GMDS: variants seen among roughly 807,000 people sequenced by gnomAD.
The protein encoded by GMDS is GDP-mannose 4,6-dehydratase.
In GMDS, 20 loss-of-function variants were observed where a neutral mutation model predicts 49.9. The observed-to-expected ratio is 0.40, with a 90% CI of 0.28 to 0.58. The LOEUF (loss-of-function observed/expected upper bound fraction) is 0.58, where lower values mean the gene tolerates loss of function less well. GMDS is among the 20% of genes least tolerant of loss of function. The pLI, the probability that GMDS is intolerant of heterozygous loss-of-function variation, is 0.42. For missense variants in GMDS, 362 were observed against 481.4 expected (o/e 0.75, Z 2.32); for synonymous variants, 177 against 178.6 (o/e 0.99, Z 0.07).
chr6:2,148,762 C>T (rs1448324038), intron 1 of GMDS, among the ~76,000 whole-genome samples: 2 of 152,212 alleles, frequency 1.3e-5, no homozygotes, highest in African/African-American at 2.4e-5. Context: ...CCTATTATTA[C>T]ATCCTGTGTA....
rs1417104101 is a variant in GMDS, at chr6:1,888,141, T to A, written c.771+41962A>T. Reference sequence around the variant, plus strand: ...TTTTTTATTATTATTATTATTTTTTTTTTTTTTTTGAAGAGATGAGGGTCT... The same window carrying A: ...TTTTTTATTATTATTATTATTTTTTATTTTTTTTTGAAGAGATGAGGGTCT... On this transcript the variant is annotated intron_variant, in intron 7 of 10. Coordinates refer to ENST00000380815, the MANE Select transcript of GMDS (RefSeq NM_001500.4). 2.5e-4 allele frequency among the ~76,000 whole-genome samples: 38 copies of A among 149,736 alleles called. 1 individual carries two copies. The highest frequency in any genetic ancestry group is 3.5e-3 in the Middle Eastern group (1 of 288).
intron 1 of GMDS, among the ~76,000 whole-genome samples, chr6:2,135,555 C>CTTTTTTTTTTTT (rs1276419101): frequency 6.6e-6 from 1 of 152,026 alleles, no homozygotes; most frequent in Non-Finnish European, 1.5e-5. Context: ...ATTTGAGTTT[C>CTTTTTTTTTTTT]TATAATCTAG....
chr6:1,743,737 A>C (rs1000696884), intron 7 of GMDS, among the ~76,000 whole-genome samples: 4 of 146,002 alleles, frequency 2.7e-5, no homozygotes, highest in African/African-American at 1.0e-4. Flanking sequence ...CACCTTAAAG[A>C]TTTTTTTTTT....
chr6:2,089,184 T>C (rs1048780302), intron 4 of GMDS, among the ~76,000 whole-genome samples: 6 of 152,356 alleles, frequency 3.9e-5, no homozygotes, highest in African/African-American at 1.4e-4. Context: ...TTTTTAGTTC[T>C]TTTATCTGGG....
At chr6:2,020,961 A>G (rs1768242287) in intron 4 of GMDS, among the ~76,000 whole-genome samples, 1 of 152,216 alleles carries the variant, frequency 6.6e-6, no homozygotes, top group East Asian at 1.9e-4. Context: ...CAAATGTGAA[A>G]GGTTTTGTAA....
At chr6:1,712,732 G>C (rs1208731742) in intron 9 of GMDS, among the ~76,000 whole-genome samples, 1 of 151,776 alleles carries the variant, frequency 6.6e-6, no homozygotes, top group South Asian at 2.1e-4. Flanking sequence ...AAGTTATAAA[G>C]ATGGAGAAAG....
chr6:1,701,398 C>T (rs932222744), intron 9 of GMDS, among the ~76,000 whole-genome samples: 2 of 152,192 alleles, frequency 1.3e-5, no homozygotes, highest in Non-Finnish European at 2.9e-5. Flanking sequence ...AATGTCTCCA[C>T]AGTGTGTCTT....
chr6:1,716,435 C>A (rs1303989214), intron 9 of GMDS, among the ~76,000 whole-genome samples: 1 of 152,094 alleles, frequency 6.6e-6, no homozygotes, highest in East Asian at 1.9e-4. Flanking sequence ...GAATAGTGGC[C>A]ATGTGGAGTT....
chr6:1,906,237 A>G (rs1044834267), intron 7 of GMDS, among the ~76,000 whole-genome samples: 6 of 152,196 alleles, frequency 3.9e-5, no homozygotes, highest in Non-Finnish European at 7.3e-5. Context: ...TATGCATATA[A>G]GCCATTCTGT....
chr6:2,089,989 T>G lies in GMDS; in HGVS notation c.345+25782A>C, dbSNP rs76697198. On this transcript the variant is annotated intron_variant, in intron 4 of 10. Transcript: ENST00000380815. ...TTCTGTGCCTTTGATCACATAGGAC[T>G]GTCAAAATGAAGTTCCAGTTTGCCA... Among the ~76,000 whole-genome samples, 670 of 152,292 alleles carry G rather than the reference T, an allele frequency of 4.4e-3. 4 individuals carry two copies. The highest frequency in any genetic ancestry group is 0.015 in the African/African-American group (618 of 41,570).
chr6:1,713,757 G>T (rs1045628574), intron 9 of GMDS, among the ~76,000 whole-genome samples: 2 of 152,152 alleles, frequency 1.3e-5, no homozygotes, highest in African/African-American at 4.8e-5. Context: ...TTTATCCATA[G>T]TCTCTTCTCT....
intron 8 of GMDS, among the ~76,000 whole-genome samples, chr6:1,731,255 C>A (rs1766791834): frequency 6.6e-6 from 1 of 152,166 alleles, no homozygotes; most frequent in African/African-American, 2.4e-5. Flanking sequence ...TGCCTCAGGG[C>A]AGTCAGTATA....
Position 2,176,556 on chromosome 6 carries a change from T to C in GMDS, c.103-51825A>G, listed in dbSNP as rs570214419. Among the ~76,000 whole-genome samples, 331 of 152,180 alleles carry C rather than the reference T, an allele frequency of 2.2e-3. 1 individual carries two copies. Among genetic ancestry groups the C allele is most frequent in the Non-Finnish European group, 2.8e-3 (192 of 68,008 alleles). On this transcript the variant is annotated intron_variant, in intron 1 of 10. Coordinates refer to ENST00000380815, the MANE Select transcript of GMDS (RefSeq NM_001500.4). ...CAGGAAGGAAGCAGAGCAAAGCTCA[T>C]AGAAACCACCTACTGGCTTAACTTA...
At chr6:1,803,280 C>A (rs1404593353) in intron 7 of GMDS, among the ~76,000 whole-genome samples, 5 of 152,176 alleles carry the variant, frequency 3.3e-5, no homozygotes, top group African/African-American at 1.2e-4. Flanking sequence ...TCTTGCAAAA[C>A]CCTGGCTGGC....
intron 7 of GMDS, among the ~76,000 whole-genome samples, chr6:1,912,123 T>C (rs1761095787): frequency 6.6e-6 from 1 of 152,166 alleles, no homozygotes; most frequent in Non-Finnish European, 1.5e-5. Flanking sequence ...CCCAGCACTT[T>C]GGGAGGCTGA....
intron 1 of GMDS, among the ~76,000 whole-genome samples, chr6:2,151,860 A>AT (rs1581718493): frequency 1.3e-5 from 2 of 152,048 alleles, no homozygotes; most frequent in South Asian, 2.1e-4. Flanking sequence ...TGGGTATATG[A>AT]TTTTTTCTTA....
At chr6:1,858,673 C>T (rs936176085) in intron 7 of GMDS, among the ~76,000 whole-genome samples, 2 of 152,058 alleles carry the variant, frequency 1.3e-5, no homozygotes, top group Admixed American at 6.6e-5. Flanking sequence ...TTATTTCTGA[C>T]ACCGAGAGCC....
chr6:1,810,567 G>A (rs893581120), intron 7 of GMDS, among the ~76,000 whole-genome samples: 1 of 152,152 alleles, frequency 6.6e-6, no homozygotes, highest in Non-Finnish European at 1.5e-5. Flanking sequence ...ACAGGCGTGA[G>A]CCACCACACC....
rs963912699 is a variant in GMDS, at chr6:1,766,867, G to C, written c.772-24281C>G. ...CAAAGCCTGGCAATGGGCCAGATCT[G>C]GTCAGCTAGGTCTCCCAGCTCAGCA... On this transcript the variant is annotated intron_variant, in intron 7 of 10. Transcript: ENST00000380815. This position sits in a 1 kb window ranked among gnomAD's most constrained non-coding sequence, Gnocchi z 4.5. Among the ~76,000 whole-genome samples, 1 of 152,214 alleles carries C rather than the reference G, an allele frequency of 6.6e-6. No homozygotes were observed. The highest frequency in any genetic ancestry group is 1.5e-5 in the Non-Finnish European group (1 of 68,042).
Sources: gnomAD v4.1 joint callset for allele counts (sites outside exome capture counted in the v4.1 genomes callset) on GRCh38, gnomAD v4.1.1 for gene constraint, Gnocchi (gnomAD v3.1) non-coding constraint, MANE v1.5 for transcripts, NCBI Gene and HGNC (gene_info 2026-07-23, HGNC 2026-07-21) for gene names.